ARID4B: variants seen among roughly 807,000 people sequenced by gnomAD.
ARID4B encodes the protein AT-rich interaction domain 4B.
A neutral mutation model predicts 147.5 loss-of-function variants in ARID4B; 26 were observed. That is an observed-to-expected ratio of 0.18 (90% CI 0.13 to 0.24). The LOEUF is 0.24. ARID4B is among the 10% of genes least tolerant of loss of function. The pLI is 1.00. For synonymous variants in ARID4B, 512 were observed against 507.9 expected, an observed-to-expected ratio of 1.01 and a Z score of -0.11; for missense variants, 1,179 against 1,511.5, an observed-to-expected ratio of 0.78 and a Z score of 3.65.
At position 235,266,315 on chromosome 1, in the gene ARID4B, T is replaced by G. The variant is rs182916954; in HGVS notation, c.7-5563A>C. On this transcript the variant is annotated intron_variant, in intron 2 of 23. Coordinates refer to ENST00000264183, the MANE Select transcript of ARID4B (RefSeq NM_016374.6). Reference sequence around the variant, plus strand: ...CCTGATAAATATGCATGTCTATCTATACGTAGCCAGAAAAAAAAACTCTTG... The same window carrying G: ...CCTGATAAATATGCATGTCTATCTAGACGTAGCCAGAAAAAAAAACTCTTG... 7.9e-5 allele frequency among the ~76,000 whole-genome samples: 12 copies of G among 152,316 alleles called. No individual in the cohort carries two copies. In the East Asian group the frequency reaches 2.3e-3, roughly 29 times the overall value.
At chr1:235,302,273 A>AGGGGGGGG (rs747777831) in intron 2 of ARID4B, among the ~76,000 whole-genome samples, 1 of 86,512 alleles carries the variant, frequency 1.2e-5, no homozygotes, top group Non-Finnish European at 2.2e-5. Flanking sequence ...AAAGGGAGGG[A>AGGGGGGGG]GGGGAGGAAG....
At chr1:235,243,139 G>A (rs1485575570) in intron 7 of ARID4B, among the ~76,000 whole-genome samples, 1 of 151,832 alleles carries the variant, frequency 6.6e-6, no homozygotes, top group Non-Finnish European at 1.5e-5. Context: ...GCTTGGCACA[G>A]TATAGATGCT....
chr1:235,242,009 A>C (rs1669014520), intron 7 of ARID4B, among the ~76,000 whole-genome samples: 1 of 151,738 alleles, frequency 6.6e-6, no homozygotes, highest in South Asian at 2.1e-4. Context: ...GCACTTTGGG[A>C]GGCGAAGGCA....
At chr1:235,263,131 T>G (rs1275195436) in intron 2 of ARID4B, among the ~76,000 whole-genome samples, 1 of 152,174 alleles carries the variant, frequency 6.6e-6, no homozygotes, top group Non-Finnish European at 1.5e-5. Flanking sequence ...ATTAACACAT[T>G]CTGCCATACT....
chr1:235,272,597 C>T (rs893265394), intron 2 of ARID4B, among the ~76,000 whole-genome samples: 5 of 152,018 alleles, frequency 3.3e-5, no homozygotes, highest in African/African-American at 1.2e-4. Context: ...TTACTAGATC[C>T]ATCATCCTTG....
chr1:235,244,088 T>C (rs1163286185), intron 7 of ARID4B, among the ~76,000 whole-genome samples: 1 of 152,170 alleles, frequency 6.6e-6, no homozygotes, highest in East Asian at 1.9e-4. Context: ...TATACACTAA[T>C]TTAAAAATGT....
chr1:235,207,459 T>C (rs1666381180), intron 17 of ARID4B, among the ~76,000 whole-genome samples: 2 of 152,050 alleles, frequency 1.3e-5, no homozygotes, highest in African/African-American at 4.8e-5. Context: ...ATGAGTACTA[T>C]AAAGCAAAAG....
Position 235,167,397 on chromosome 1 carries a change from A to G in ARID4B, c.*1128T>C, listed in dbSNP as rs1663043893. On this transcript the variant is annotated 3_prime_UTR_variant, in exon 24 of 24. Coordinates refer to ENST00000264183, the MANE Select transcript of ARID4B (RefSeq NM_016374.6). The stretch of plus-strand genomic sequence containing the variant: ...TTACAAAGGTGAAGAATTAAATACA[A>G]GTGCCAAACAGAACAGAGATTGGAA... 1 of 222,114 alleles carries G rather than the reference A, an allele frequency of 4.5e-6. No individual in the cohort carries two copies. The highest frequency in any genetic ancestry group is 9.0e-6 in the Non-Finnish European group (1 of 110,768). The allele number at this position is 222,114 out of a possible 1,614,324, so 13.8% of individuals were successfully genotyped here. A position where few individuals can be genotyped will look rare whatever the true frequency, so the allele number is the denominator to read the frequency against.
chr1:235,246,401 G>A lies in ARID4B; in HGVS notation c.446+19C>T. On this transcript the variant is annotated intron_variant, in intron 7 of 23. Transcript: ENST00000264183. The stretch of plus-strand genomic sequence containing the variant: ...GAAATGAATTCAGGTTCAACTAACA[G>A]TCATGAAAATGGACTTACATATGAT... The A allele has an allele frequency of 2.0e-6, 3 of 1,533,798 alleles. No homozygotes were observed. The highest frequency in any genetic ancestry group is 2.2e-5 in the South Asian group (2 of 89,384).
At chr1:235,233,847 G>C (rs183407086) in intron 9 of ARID4B, among the ~76,000 whole-genome samples, 1 of 152,194 alleles carries the variant, frequency 6.6e-6, no homozygotes, top group Non-Finnish European at 1.5e-5. Context: ...TTTGGGGTTC[G>C]AGGCGGGCAG....
intron 17 of ARID4B, among the ~76,000 whole-genome samples, chr1:235,197,736 T>C (rs140010539): frequency 1.1e-3 from 160 of 152,326 alleles, no homozygotes; most frequent in Non-Finnish European, 1.8e-3. Context: ...ATATGGGTTT[T>C]TTTGTAGAAA....
chr1:235,251,212 G>T (rs1218032389), intron 6 of ARID4B, among the ~76,000 whole-genome samples: 1 of 131,230 alleles, frequency 7.6e-6, no homozygotes, highest in Non-Finnish European at 1.7e-5. Flanking sequence ...GCAAAAATGA[G>T]AAAAGTTAAA....
chr1:235,288,030 G>A (rs1469445310), intron 2 of ARID4B, among the ~76,000 whole-genome samples: 2 of 152,220 alleles, frequency 1.3e-5, no homozygotes, highest in Admixed American at 6.5e-5. Flanking sequence ...AATGTGGCTG[G>A]GCGCAGTGGC....
chr1:235,194,973 A>G (rs188780585), intron 18 of ARID4B, among the ~76,000 whole-genome samples: 1 of 152,304 alleles, frequency 6.6e-6, no homozygotes, highest in East Asian at 1.9e-4. Context: ...TTGAGAAAAG[A>G]TGAGAAATTT....
chr1:235,257,267 G>A, intron 3 of ARID4B, 42 bp from the exon 4 acceptor site: 1 of 1,319,010 alleles, frequency 7.6e-7, no homozygotes, highest in Non-Finnish European at 1.1e-6. Context: ...AATAAACCAA[G>A]CAACACAAGC....
rs188241337 is a variant in ARID4B at position 235,225,724 on chromosome 1, G to T, written c.898-949C>A. Among the ~76,000 whole-genome samples the T allele has an allele frequency of 4.6e-5, 7 of 152,292 alleles. No homozygotes were observed. The East Asian group carries it at 1.3e-3, about 29-fold the overall frequency. On this transcript the variant is annotated intron_variant, in intron 11 of 23. Coordinates refer to ENST00000264183, the MANE Select transcript of ARID4B (RefSeq NM_016374.6). ...CAGTAAAAGTTAGGATATTCAACTG[G>T]TAATCTAAATAAATAAAAACATAGC...
chr1:235,221,159 A>C (rs775969236), intron 14 of ARID4B, among the ~76,000 whole-genome samples: 28 of 152,198 alleles, frequency 1.8e-4, no homozygotes, highest in Non-Finnish European at 3.7e-4. Flanking sequence ...CGGCCTCCCA[A>C]AGTGCTGAAG....
chr1:235,229,273 T>C lies in ARID4B; in HGVS notation c.855A>G (p.Glu285=). The change falls in exon 11 of 24, where the codon GAA becomes GAG. Residue 285 remains glutamate (E), a synonymous_variant. Coordinates refer to ENST00000264183, the MANE Select transcript of ARID4B (RefSeq NM_016374.6). ...SSEAEEEEEE[E]DDEKEKEDNS... is the part of the protein sequence containing the mutation. ...TATCCTCCTTTTCTTTTTCATCATC[T>C]TCCTCCTCCTCTTCTTCCTCTGCTT... The C allele has an allele frequency of 6.2e-7, 1 of 1,612,714 alleles. No individual in the cohort carries two copies. Among genetic ancestry groups the C allele is most frequent in the South Asian group, 1.1e-5 (1 of 91,004 alleles).
In ARID4B at chr1:235,182,342, G is replaced by A. The variant is rs774629077; in HGVS notation, c.2577C>T (p.Asn859=). The change falls in exon 20 of 24, where the codon AAC becomes AAT. Residue 859 remains asparagine, a synonymous_variant. Transcript: ENST00000264183. The part of the protein sequence containing the change: ...KESLCMENSS[N]SSSDEDEEET... Reference sequence around the variant, plus strand: ...CTTCTTCATCTTCATCTGAAGAGCTGTTGCTACTGTTTTCCATGCAAAGTG... The same window carrying A: ...CTTCTTCATCTTCATCTGAAGAGCTATTGCTACTGTTTTCCATGCAAAGTG... 3 of 1,613,254 alleles carry A rather than the reference G, an allele frequency of 1.9e-6. No individual in the cohort carries two copies. Among genetic ancestry groups the A allele is most frequent in the Admixed American group, 1.7e-5 (1 of 59,800 alleles).
Sources: allele counts gnomAD v4.1 joint callset (sites outside exome capture counted in the v4.1 genomes callset), GRCh38; gene constraint gnomAD v4.1.1; transcripts MANE v1.5; gene names NCBI Gene and HGNC (gene_info 2026-07-23, HGNC 2026-07-21).